LYNX1: variants seen among roughly 807,000 people sequenced by gnomAD.
The protein encoded by LYNX1 is Ly6/neurotoxin 1.
A neutral mutation model predicts 8.3 loss-of-function variants in LYNX1; 8 were observed. The observed-to-expected ratio is 0.97, with a 90% CI of 0.57 to 1.74. The LOEUF (loss-of-function observed/expected upper bound fraction) is 1.74. Among genes scored for constraint, LYNX1 ranks in the 40% most tolerant of loss-of-function variants. The probability of loss-of-function intolerance (pLI) is 0.00; values close to 1 mark genes in which losing one functional copy is unlikely to be tolerated. For synonymous variants in LYNX1, 73 were observed against 67.9 expected (o/e 1.08, Z -0.37); for missense variants, 158 against 159.7 (o/e 0.99, Z 0.06).
At chr8:142,776,741 C>T (rs1815440210) in intron 1 of LYNX1, 1 of 152,286 alleles carries the variant, frequency 6.6e-6, no homozygotes, top group Non-Finnish European at 1.5e-5. Flanking sequence ...CAGGAGGGCA[C>T]TTGGGCCAGA....
Position 142,771,899 on chromosome 8 carries a change from C to A in LYNX1, c.*3268G>T. On this transcript the variant is annotated 3_prime_UTR_variant, in exon 4 of 4. Coordinates refer to ENST00000652477, the MANE Select transcript of LYNX1 (RefSeq NM_177477.4). ...GGACAGACCAGAGCTCCTGCTGGAG[C>A]CGGGTGTCCCCATGCTGACCTGGCC... is the stretch of plus-strand genomic sequence containing the variant. 1 of 985,952 alleles carries A rather than the reference C, an allele frequency of 1.0e-6. No homozygotes were observed. The highest frequency in any genetic ancestry group is 1.2e-6 in the Non-Finnish European group (1 of 830,032). 61.1% of individuals were successfully genotyped at this position (985,952 alleles called of 1,614,324 possible).
rs1815289486 is a variant in LYNX1 at position 142,773,979 on chromosome 8, G to A, written c.*1188C>T. 1 of 985,396 alleles carries A rather than the reference G, an allele frequency of 1.0e-6. No homozygotes were observed. The highest frequency in any genetic ancestry group is 1.2e-6 in the Non-Finnish European group (1 of 829,934). 61.0% of individuals were successfully genotyped at this position (985,396 alleles called of 1,614,324 possible). Reference sequence around the variant, plus strand: ...CTGCATCGGGGATGGATTGGTGCGTGTTGGGCTGACCCCTGCTTCCCAGGC... The same window carrying A: ...CTGCATCGGGGATGGATTGGTGCGTATTGGGCTGACCCCTGCTTCCCAGGC... On this transcript the variant is annotated 3_prime_UTR_variant, in exon 4 of 4. Transcript: ENST00000652477.
At position 142,775,098 on chromosome 8, in the gene LYNX1, G is replaced by A; in HGVS notation, c.*69C>T. On this transcript the variant is annotated 3_prime_UTR_variant, in exon 4 of 4. Transcript: ENST00000652477. Reference sequence around the variant, plus strand: ...GGGAGTGTGGAGGGTGAGGCAGGGTGAGCTGGGTGCGAGGGTGTAGCAGTG... The same window carrying A: ...GGGAGTGTGGAGGGTGAGGCAGGGTAAGCTGGGTGCGAGGGTGTAGCAGTG... 2 of 1,537,494 alleles carry A rather than the reference G, an allele frequency of 1.3e-6. No individual in the cohort carries two copies. Among genetic ancestry groups the A allele is most frequent in the Non-Finnish European group, 1.7e-6 (2 of 1,144,592 alleles).
chr8:142,772,922 C>T lies in LYNX1; in HGVS notation c.*2245G>A, dbSNP rs587644836. The T allele has an allele frequency of 1.0e-6, 1 of 985,868 alleles. No homozygotes were observed. The highest frequency in any genetic ancestry group is 1.2e-6 in the Non-Finnish European group (1 of 830,284). The allele number at this position is 985,868 out of a possible 1,614,324, so 61.1% of individuals were successfully genotyped here. A position where few individuals can be genotyped will look rare whatever the true frequency, so the allele number is the denominator to read the frequency against. On this transcript the variant is annotated 3_prime_UTR_variant, in exon 4 of 4. Transcript: ENST00000652477. ...GGAGGCAGGAGGCAGGTGTGAGAAG[C>T]TGCCCACCCCACCCCTCAACACCAC...
In LYNX1 at chr8:142,774,147, C is replaced by CCCGGG; in HGVS notation, c.*1019_*1020insCCCGG. 10 of 982,046 alleles carry CCCGGG rather than the reference C, an allele frequency of 1.0e-5. No individual in the cohort carries two copies. The highest frequency in any genetic ancestry group is 1.2e-4 in the East Asian group (1 of 8,630). The allele number at this position is 982,046 out of a possible 1,614,324, so 60.8% of individuals were successfully genotyped here. Reference sequence around the variant, plus strand: ...TGCGGGGGAGGGGCTGGGTCTCCGCCCTCCCCACCCCACCCTCCCCACTCC... The same window carrying CCCGGG: ...TGCGGGGGAGGGGCTGGGTCTCCGCCCCGGGCTCCCCACCCCACCCTCCCCACTCC... On this transcript the variant is annotated 3_prime_UTR_variant, in exon 4 of 4. Transcript: ENST00000652477.
At chr8:142,777,645 C>A (rs1176772872), upstream of LYNX1, 4 of 395,700 alleles carry the variant, frequency 1.0e-5, no homozygotes, top group Non-Finnish European at 1.8e-5. Flanking sequence ...CCGGACCCGT[C>A]CCCGGACCGC....
intron 3 of LYNX1, 28 bp from the exon 4 acceptor site, chr8:142,775,391 C>A (rs1223953452): frequency 1.2e-6 from 2 of 1,608,652 alleles, no homozygotes; most frequent in African/African-American, 2.7e-5. Context: ...GGTGAGCCAG[C>A]TCCGCTAAGA....
Position 142,772,797 on chromosome 8 carries a change from T to C in LYNX1, c.*2370A>G, listed in dbSNP as rs1815239194. On this transcript the variant is annotated 3_prime_UTR_variant, in exon 4 of 4. Coordinates refer to ENST00000652477, the MANE Select transcript of LYNX1 (RefSeq NM_177477.4). Reference sequence around the variant, plus strand: ...GTGGGCCTGCCCAGCATTAGCTGAGTGCCTTCTGTGTGCTCTACGCCAGGT... The same window carrying C: ...GTGGGCCTGCCCAGCATTAGCTGAGCGCCTTCTGTGTGCTCTACGCCAGGT... 1 of 985,504 alleles carries C rather than the reference T, an allele frequency of 1.0e-6. No individual in the cohort carries two copies. Among genetic ancestry groups the C allele is most frequent in the Admixed American group, 6.1e-5 (1 of 16,274 alleles). 61.0% of individuals were successfully genotyped at this position (985,504 alleles called of 1,614,324 possible). A position where few individuals can be genotyped will look rare whatever the true frequency, so the allele number is the denominator to read the frequency against.
Position 142,773,530 on chromosome 8 carries a change from T to A in LYNX1, c.*1637A>T. 1 of 985,510 alleles carries A rather than the reference T, an allele frequency of 1.0e-6. No individual in the cohort carries two copies. Among genetic ancestry groups the A allele is most frequent in the African/African-American group, 1.7e-5 (1 of 57,336 alleles). 61.0% of individuals were successfully genotyped at this position (985,510 alleles called of 1,614,324 possible). A position where few individuals can be genotyped will look rare whatever the true frequency, so the allele number is the denominator to read the frequency against. Reference sequence around the variant, plus strand: ...GGCACTGTCCTCCTCCAGCGGGAACTGGGTGTGCCCTCAGCAAGACTCTGC... The same window carrying A: ...GGCACTGTCCTCCTCCAGCGGGAACAGGGTGTGCCCTCAGCAAGACTCTGC... On this transcript the variant is annotated 3_prime_UTR_variant, in exon 4 of 4. Transcript: ENST00000652477.
Position 142,772,368 on chromosome 8 carries a change from C to A in LYNX1, c.*2799G>T. On this transcript the variant is annotated 3_prime_UTR_variant, in exon 4 of 4. Transcript: ENST00000652477. ...CCCAGAGGCAGCGCTGGAGGCCTTA[C>A]TCTACCACTCAGGGCTTCTCAAACC... is the stretch of plus-strand genomic sequence containing the variant. 1 of 985,546 alleles carries A rather than the reference C, an allele frequency of 1.0e-6. No homozygotes were observed. Among genetic ancestry groups the A allele is most frequent in the African/African-American group, 1.7e-5 (1 of 57,380 alleles). 61.1% of individuals were successfully genotyped at this position (985,546 alleles called of 1,614,324 possible). A position where few individuals can be genotyped will look rare whatever the true frequency, so the allele number is the denominator to read the frequency against.
At position 142,773,313 on chromosome 8, in the gene LYNX1, G is replaced by C; in HGVS notation, c.*1854C>G. The C allele has an allele frequency of 1.0e-6, 1 of 985,498 alleles. No individual in the cohort carries two copies. Among genetic ancestry groups the C allele is most frequent in the Non-Finnish European group, 1.2e-6 (1 of 830,022 alleles). The allele number at this position is 985,498 out of a possible 1,614,324, so 61.0% of individuals were successfully genotyped here. A position where few individuals can be genotyped will look rare whatever the true frequency, so the allele number is the denominator to read the frequency against. Reference sequence around the variant, plus strand: ...GGCAGCCTCCCAGACACCCCGGGCCGGTCCTGCTCTCCAGGCTTAGGGCTA... The same window carrying C: ...GGCAGCCTCCCAGACACCCCGGGCCCGTCCTGCTCTCCAGGCTTAGGGCTA... On this transcript the variant is annotated 3_prime_UTR_variant, in exon 4 of 4. Transcript: ENST00000652477.
In LYNX1 at chr8:142,772,813, T is replaced by G; in HGVS notation, c.*2354A>C. On this transcript the variant is annotated 3_prime_UTR_variant, in exon 4 of 4. Coordinates refer to ENST00000652477, the MANE Select transcript of LYNX1 (RefSeq NM_177477.4). ...TTAGCTGAGTGCCTTCTGTGTGCTC[T>G]ACGCCAGGTGCCAAGGGCAGGCCAG... is the stretch of plus-strand genomic sequence containing the variant. The G allele has an allele frequency of 1.0e-6, 1 of 985,754 alleles. No individual in the cohort carries two copies. The allele number at this position is 985,754 out of a possible 1,614,324, so 61.1% of individuals were successfully genotyped here.
chr8:142,774,293 C>T lies in LYNX1; in HGVS notation c.*874G>A. 6 of 985,610 alleles carry T rather than the reference C, an allele frequency of 6.1e-6. No individual in the cohort carries two copies. Among genetic ancestry groups the T allele is most frequent in the Non-Finnish European group, 6.0e-6 (5 of 830,052 alleles). The allele number at this position is 985,610 out of a possible 1,614,324, so 61.1% of individuals were successfully genotyped here. On this transcript the variant is annotated 3_prime_UTR_variant, in exon 4 of 4. Coordinates refer to ENST00000652477, the MANE Select transcript of LYNX1 (RefSeq NM_177477.4). ...GCATCCCCCAGTCCTGCGTCTTTTG[C>T]CTTGCTCGGCTGGGTCCTGCTGTGG... is the stretch of plus-strand genomic sequence containing the variant.
chr8:142,774,149 T>TTCCCC lies in LYNX1; in HGVS notation c.*1017_*1018insGGGGA. 7 of 725,200 alleles carry TTCCCC rather than the reference T, an allele frequency of 9.7e-6. No homozygotes were observed. Among genetic ancestry groups the TTCCCC allele is most frequent in the Non-Finnish European group, 1.2e-5 (7 of 608,404 alleles). 44.9% of individuals were successfully genotyped at this position (725,200 alleles called of 1,614,324 possible). ...CGGGGGAGGGGCTGGGTCTCCGCCC[T>TTCCCC]CCCCACCCCACCCTCCCCACTCCCG... is the stretch of plus-strand genomic sequence containing the variant. On this transcript the variant is annotated 3_prime_UTR_variant, in exon 4 of 4. Transcript: ENST00000652477.
At position 142,771,389 on chromosome 8, in the gene LYNX1, C is replaced by T; in HGVS notation, c.*3778G>A. 3.0e-6 allele frequency: 3 copies of T among 985,566 alleles called. No homozygotes were observed. Among genetic ancestry groups the T allele is most frequent in the Non-Finnish European group, 3.6e-6 (3 of 830,014 alleles). 61.1% of individuals were successfully genotyped at this position (985,566 alleles called of 1,614,324 possible). A position where few individuals can be genotyped will look rare whatever the true frequency, so the allele number is the denominator to read the frequency against. On this transcript the variant is annotated 3_prime_UTR_variant, in exon 4 of 4. Coordinates refer to ENST00000652477, the MANE Select transcript of LYNX1 (RefSeq NM_177477.4). ...ATGCCCACGACCAGCTGAGCCAGAC[C>T]AGCATTCCCATTTCACCACCCCTTA...
chr8:142,775,841 C>T (rs1815400180), intron 2 of LYNX1, 65 bp downstream of exon 2: 1 of 1,603,166 alleles, frequency 6.2e-7, no homozygotes, highest in South Asian at 1.1e-5. Context: ...AGCCTCCTTC[C>T]CTACTGTCAG....
chr8:142,774,916 G>C lies in LYNX1; in HGVS notation c.*251C>G. The C allele has an allele frequency of 9.2e-6, 13 of 1,407,002 alleles. No individual in the cohort carries two copies. Among genetic ancestry groups the C allele is most frequent in the Non-Finnish European group, 1.2e-5 (13 of 1,083,108 alleles). The allele number at this position is 1,407,002 out of a possible 1,614,324, so 87.2% of individuals were successfully genotyped here. ...CCCTCCCCATAAATAGCCCTGGACA[G>C]GCGAGGGGCTGATCAGCCCATCAAA... On this transcript the variant is annotated 3_prime_UTR_variant, in exon 4 of 4. Coordinates refer to ENST00000652477, the MANE Select transcript of LYNX1 (RefSeq NM_177477.4).
rs1302130426 is a variant in LYNX1 at position 142,772,393 on chromosome 8, C to T, written c.*2774G>A. On this transcript the variant is annotated 3_prime_UTR_variant, in exon 4 of 4. Coordinates refer to ENST00000652477, the MANE Select transcript of LYNX1 (RefSeq NM_177477.4). ...CTCTACCACTCAGGGCTTCTCAAAC[C>T]TCTGGTTCCACTTTTCTCCTTTTAA... 3 of 985,448 alleles carry T rather than the reference C, an allele frequency of 3.0e-6. No individual in the cohort carries two copies. Among genetic ancestry groups the T allele is most frequent in the Non-Finnish European group, 2.4e-6 (2 of 829,986 alleles). The allele number at this position is 985,448 out of a possible 1,614,324, so 61.0% of individuals were successfully genotyped here. A position where few individuals can be genotyped will look rare whatever the true frequency, so the allele number is the denominator to read the frequency against.
chr8:142,775,876 G>A (rs1443930911), intron 2 of LYNX1, 30 bp downstream of exon 2: 2 of 1,613,836 alleles, frequency 1.2e-6, no homozygotes, highest in South Asian at 1.1e-5. Context: ...AAGTGGGTCT[G>A]CCCATCCCTC....
Sources: gnomAD v4.1 joint callset for allele counts on GRCh38, gnomAD v4.1.1 for gene constraint, MANE v1.5 for transcripts, NCBI Gene and HGNC (gene_info 2026-07-23, HGNC 2026-07-21) for gene names.